The following MYO5B variants were observed in gnomAD, a reference collection of about 807,000 sequenced individuals.
The protein encoded by MYO5B is unconventional myosin-Vb.
In MYO5B, 143 loss-of-function variants were observed where a neutral mutation model predicts 229.3. The observed-to-expected ratio is 0.62, with a 90% CI of 0.54 to 0.72. The LOEUF (loss-of-function observed/expected upper bound fraction) is 0.72, where lower values mean the gene tolerates loss of function less well. MYO5B is among the 30% of genes least tolerant of loss of function. The pLI, the probability that MYO5B is intolerant of heterozygous loss-of-function variation, is 0.00. For missense variants in MYO5B, 2,321 were observed against 2,331.0 expected, an observed-to-expected ratio of 1.00 and a Z score of 0.09; for synonymous variants, 918 against 885.2, an observed-to-expected ratio of 1.04 and a Z score of -0.66.
chr18:49,902,746 C>T lies in MYO5B; in HGVS notation c.2659G>A (p.Ala887Thr). ...CGGAAGGCACACTGGATGACAATGG[C>T]TGCATCCCGCAGCCGCTGGAAGTGC... ...RRHFQRLRDAAIVIQCAFRML... is the reference protein window; with the variant it reads ...RRHFQRLRDATIVIQCAFRML... The change falls in exon 21 of 40, where the codon GCC (alanine) becomes ACC (threonine). Residue 887 changes from alanine to threonine, a missense_variant. Coordinates refer to ENST00000285039, the MANE Select transcript of MYO5B (RefSeq NM_001080467.3). The T allele has an allele frequency of 6.2e-7, 1 of 1,608,370 alleles. No homozygotes were observed. The highest frequency in any genetic ancestry group is 8.5e-7 in the Non-Finnish European group (1 of 1,180,006).
chr18:50,193,328 C>T (rs1209488701), intron 1 of MYO5B, among the ~76,000 whole-genome samples: 1 of 152,230 alleles, frequency 6.6e-6, no homozygotes, highest in African/African-American at 2.4e-5. Context: ...GCACAGGTGG[C>T]CCCTGGTGGG....
chr18:49,859,461 G>T (rs1224915809), intron 29 of MYO5B, among the ~76,000 whole-genome samples: 1 of 152,126 alleles, frequency 6.6e-6, no homozygotes, highest in Non-Finnish European at 1.5e-5. Context: ...TCAGTTTCCC[G>T]GTTCTAAAAA....
intron 4 of MYO5B, among the ~76,000 whole-genome samples, chr18:50,012,736 T>A (rs1188127537): frequency 1.3e-5 from 2 of 152,234 alleles, no homozygotes; most frequent in Non-Finnish European, 2.9e-5. Context: ...GGCTGCTACC[T>A]TCTCTTCTCC....
At chr18:49,915,147 TC>T (rs1360090268) in intron 17 of MYO5B, among the ~76,000 whole-genome samples, 6 of 152,068 alleles carry the variant, frequency 3.9e-5, no homozygotes, top group Non-Finnish European at 7.4e-5. Context: ...CCTTTTTTTT[TC>T]CTCTATGTAA....
chr18:49,992,525 T>C (rs2025945270), intron 5 of MYO5B, 94 bp from the exon 6 acceptor site: 6 of 1,559,652 alleles, frequency 3.8e-6, no homozygotes. Context: ...CCCCTTTCTC[T>C]TCCTTACTTA....
chr18:50,041,807 C>T (rs571188364), intron 2 of MYO5B, among the ~76,000 whole-genome samples: 11 of 152,224 alleles, frequency 7.2e-5, no homozygotes, highest in African/African-American at 2.6e-4. Context: ...TTAAACCTAT[C>T]ATAAAACCTA....
At chr18:50,157,694 T>A (rs1204424268) in intron 1 of MYO5B, among the ~76,000 whole-genome samples, 1 of 152,160 alleles carries the variant, frequency 6.6e-6, no homozygotes, top group Non-Finnish European at 1.5e-5. Context: ...TGTGGCCCCG[T>A]TAGTCTTGCA....
intron 1 of MYO5B, among the ~76,000 whole-genome samples, chr18:50,109,504 C>T (rs919790889): frequency 1.3e-5 from 2 of 151,786 alleles, no homozygotes; most frequent in Non-Finnish European, 2.9e-5. Context: ...CAGCTCACTG[C>T]AAGCTCCGCT....
intron 1 of MYO5B, among the ~76,000 whole-genome samples, chr18:50,101,172 G>A (rs1315410791): frequency 6.6e-6 from 1 of 152,204 alleles, no homozygotes; most frequent in Non-Finnish European, 1.5e-5. Context: ...TATGTGAGGT[G>A]ATAGATGACG....
intron 1 of MYO5B, among the ~76,000 whole-genome samples, chr18:50,093,905 C>T (rs535339522): frequency 1.3e-5 from 2 of 152,272 alleles, no homozygotes; most frequent in South Asian, 4.2e-4. Context: ...AATTGCCCAC[C>T]CCTTTCCCGG....
chr18:50,156,590 C>T (rs2032682693), intron 1 of MYO5B, among the ~76,000 whole-genome samples: 3 of 152,204 alleles, frequency 2.0e-5, no homozygotes, highest in Admixed American at 6.5e-5. Context: ...TAAAAAACCT[C>T]TTTCCTTTAT....
chr18:49,849,529 C>T (rs1286098009), intron 32 of MYO5B, 38 bp downstream of exon 32: 4 of 1,452,140 alleles, frequency 2.8e-6, no homozygotes, highest in African/African-American at 2.8e-5. Context: ...CCAAGTATAC[C>T]TGTGATTCAC....
At chr18:50,052,399 T>C (rs1283131793) in intron 2 of MYO5B, among the ~76,000 whole-genome samples, 1 of 148,630 alleles carries the variant, frequency 6.7e-6, no homozygotes, top group Admixed American at 6.7e-5. Flanking sequence ...GTTCATGTCC[T>C]TTGTAGGGAC....
rs988963491 is a variant in MYO5B, at chr18:50,144,861, G to T, written c.27+49906C>A. 7.9e-5 allele frequency among the ~76,000 whole-genome samples: 12 copies of T among 152,228 alleles called. No individual in the cohort carries two copies. The South Asian group carries it at 2.5e-3, about 32-fold the overall frequency. ...AAAGATGAAGACCACCCCTCCCCCA[G>T]ATCACTTCACATGCACAGGTGGTTG... On this transcript the variant is annotated intron_variant, in intron 1 of 39. Transcript: ENST00000285039.
intron 29 of MYO5B, 103 bp downstream of exon 29, chr18:49,863,124 G>A: frequency 1.2e-6 from 1 of 867,414 alleles, no homozygotes; most frequent in Non-Finnish European, 1.9e-6. Context: ...ATTCTCTGAT[G>A]CTGAGCACAT....
intron 2 of MYO5B, among the ~76,000 whole-genome samples, chr18:50,043,909 T>C (rs1275771792): frequency 6.6e-6 from 1 of 151,768 alleles, no homozygotes; most frequent in Non-Finnish European, 1.5e-5. Flanking sequence ...GAGTGAGGGA[T>C]AAAAGACTAC....
At chr18:50,166,061 C>G (rs1239646602) in intron 1 of MYO5B, among the ~76,000 whole-genome samples, 3 of 152,304 alleles carry the variant, frequency 2.0e-5, no homozygotes, top group African/African-American at 7.2e-5. Context: ...TCCTGTCCTC[C>G]TTTTTCAGCA....
intron 18 of MYO5B, among the ~76,000 whole-genome samples, chr18:49,910,940 G>A (rs2144158999): frequency 6.6e-6 from 1 of 152,300 alleles, no homozygotes; most frequent in South Asian, 2.1e-4. Flanking sequence ...TGGCACCATG[G>A]AAATGTTTAA....
chr18:49,938,401 A>T (rs2025274547), intron 14 of MYO5B, among the ~76,000 whole-genome samples: 1 of 152,152 alleles, frequency 6.6e-6, no homozygotes, highest in African/African-American at 2.4e-5. Context: ...TGCTGGGGCT[A>T]GAATAAAGTA....
Sources: allele counts gnomAD v4.1 joint callset (sites outside exome capture counted in the v4.1 genomes callset), GRCh38; gene constraint gnomAD v4.1.1; transcripts MANE v1.5; gene names NCBI Gene and HGNC (gene_info 2026-07-23, HGNC 2026-07-21).